The following RELCH variants were observed in gnomAD, a reference collection of about 807,000 sequenced individuals.
The protein encoded by RELCH is RAB11 binding and LisH domain, coiled-coil and HEAT repeat containing.
In RELCH, 41 loss-of-function variants were observed where a neutral mutation model predicts 150.3. The observed-to-expected ratio is 0.27, with a 90% CI of 0.21 to 0.35. The LOEUF is 0.35. Among genes scored for constraint, RELCH ranks in the 10% least tolerant of loss-of-function variants. The pLI is 1.00. For missense variants in RELCH, 1,092 were observed against 1,467.8 expected (o/e 0.74, Z 4.18); for synonymous variants, 478 against 531.8 (o/e 0.90, Z 1.39).
At chr18:62,215,189 C>A (rs955051302) in intron 2 of RELCH, among the ~76,000 whole-genome samples, 2 of 152,118 alleles carry the variant, frequency 1.3e-5, no homozygotes, top group Non-Finnish European at 2.9e-5. Context: ...TTTGAATCTA[C>A]CCAAATTGGC....
At chr18:62,290,656 A>G (rs900867916) in intron 26 of RELCH, among the ~76,000 whole-genome samples, 2 of 152,244 alleles carry the variant, frequency 1.3e-5, no homozygotes, top group Admixed American at 6.5e-5. Flanking sequence ...AATGAACAAG[A>G]TGAATTGTTT....
chr18:62,218,769 T>G (rs1260000598), intron 2 of RELCH, among the ~76,000 whole-genome samples: 1 of 151,996 alleles, frequency 6.6e-6, no homozygotes, highest in Non-Finnish European at 1.5e-5. Context: ...GGTTGGTCAT[T>G]CCTGCAGCAT....
At chr18:62,189,279 T>G (rs1231024531) in intron 1 of RELCH, among the ~76,000 whole-genome samples, 1 of 151,184 alleles carries the variant, frequency 6.6e-6, no homozygotes, top group Non-Finnish European at 1.5e-5. Flanking sequence ...TTTGTTGTTT[T>G]TTTTTTTTGG....
chr18:62,264,320 A>G (rs755015905), intron 17 of RELCH, among the ~76,000 whole-genome samples, 175 bp downstream of exon 17: 1 of 152,084 alleles, frequency 6.6e-6, no homozygotes, highest in East Asian at 1.9e-4. Context: ...TGAGAAGAAG[A>G]TGTTGCTGTA....
At chr18:62,201,164 G>A (rs1174862382) in intron 1 of RELCH, among the ~76,000 whole-genome samples, 1 of 151,336 alleles carries the variant, frequency 6.6e-6, no homozygotes, top group Non-Finnish European at 1.5e-5. Flanking sequence ...TATTAGAGAC[G>A]GAGTTTCACC....
chr18:62,258,468 T>C, intron 14 of RELCH, 44 bp from the exon 15 acceptor site: 3 of 1,511,684 alleles, frequency 2.0e-6, no homozygotes, highest in Non-Finnish European at 2.7e-6. Flanking sequence ...TTATTTTAAG[T>C]TTATCCCTTT....
Position 62,187,890 on chromosome 18 carries a change from G to T in RELCH, c.385G>T (p.Asp129Tyr). ...TGGCCGGGAGCTGCCTCGGCTGCGC[G>T]ACTACTTCTCCAATCCAGGCAACTT... is the stretch of plus-strand genomic sequence containing the variant. ...ESGRELPRLR[D>Y]YFSNPGNFER... Residue 129 changes from aspartate to tyrosine, a missense_variant, in exon 1 of 29, where the codon GAC becomes TAC. Physicochemically the swap from Asp to Tyr is radical, Grantham distance 160. Coordinates refer to ENST00000644646, the MANE Select transcript of RELCH (RefSeq NM_001346231.2). The T allele has an allele frequency of 6.3e-7, 1 of 1,595,082 alleles. No homozygotes were observed. Among genetic ancestry groups the T allele is most frequent in the Non-Finnish European group, 8.5e-7 (1 of 1,171,686 alleles).
chr18:62,280,498 T>A, intron 23 of RELCH, 148 bp from the exon 24 acceptor site: 2 of 1,515,234 alleles, frequency 1.3e-6, no homozygotes, highest in Non-Finnish European at 1.8e-6. Flanking sequence ...TGAGCATTCT[T>A]CTTGGTCTGC....
chr18:62,213,598 C>T (rs1464817420), intron 2 of RELCH, among the ~76,000 whole-genome samples: 1 of 151,778 alleles, frequency 6.6e-6, no homozygotes, highest in Non-Finnish European at 1.5e-5. Context: ...GGCATGGTTG[C>T]GTGTGCCTGC....
At chr18:62,244,409 A>G (rs1196389372) in intron 10 of RELCH, among the ~76,000 whole-genome samples, 1 of 152,160 alleles carries the variant, frequency 6.6e-6, no homozygotes, top group African/African-American at 2.4e-5. Flanking sequence ...GACTTCTGCA[A>G]CTTTTGTTTA....
At chr18:62,275,856 T>C (rs2144874593) in intron 22 of RELCH, among the ~76,000 whole-genome samples, 1 of 152,316 alleles carries the variant, frequency 6.6e-6, no homozygotes, top group South Asian at 2.1e-4. Flanking sequence ...AATTTATCAG[T>C]AGCATTAGAA....
intron 2 of RELCH, among the ~76,000 whole-genome samples, chr18:62,214,465 A>C (rs916043212): frequency 5.3e-5 from 8 of 152,140 alleles, no homozygotes; most frequent in South Asian, 2.1e-4. Flanking sequence ...TTGTGCCTGC[A>C]GCTCTCCCAG....
intron 27 of RELCH, among the ~76,000 whole-genome samples, chr18:62,294,549 T>C (rs1482015051): frequency 1.3e-5 from 2 of 152,206 alleles, no homozygotes; most frequent in South Asian, 2.1e-4. Context: ...CCGTTACTTT[T>C]TGGAAGTTCA....
chr18:62,203,442 T>C, intron 1 of RELCH, among the ~76,000 whole-genome samples: 1 of 151,858 alleles, frequency 6.6e-6, no homozygotes, highest in East Asian at 1.9e-4. Context: ...GGTGACAGAG[T>C]GAGACTCTGT....
chr18:62,250,341 C>A (rs2042637047), intron 11 of RELCH, among the ~76,000 whole-genome samples: 1 of 152,156 alleles, frequency 6.6e-6, no homozygotes, highest in Non-Finnish European at 1.5e-5. Context: ...GTGTGCACCT[C>A]TTGTAAGTGT....
chr18:62,211,804 A>T (rs2040188561), intron 2 of RELCH, among the ~76,000 whole-genome samples: 1 of 152,124 alleles, frequency 6.6e-6, no homozygotes, highest in Non-Finnish European at 1.5e-5. Context: ...TAAATAAAAT[A>T]AAAAGGTTAA....
At chr18:62,289,862 C>A (rs1408622394) in intron 26 of RELCH, among the ~76,000 whole-genome samples, 1 of 152,154 alleles carries the variant, frequency 6.6e-6, no homozygotes, top group Admixed American at 6.5e-5. Flanking sequence ...AAGTGACTTC[C>A]CTCTTCTAAG....
chr18:62,275,241 CCAAA>C (rs1301459410), intron 21 of RELCH, 129 bp from the exon 22 acceptor site: 16 of 520,454 alleles, frequency 3.1e-5, no homozygotes, highest in East Asian at 1.7e-4. Context: ...ACCTATGTAA[CCAAA>C]CAAAGTAATT....
Position 62,291,571 on chromosome 18 carries a change from C to CT in RELCH, c.3404dup (p.Leu1135PhefsTer10). The CT allele has an allele frequency of 1.2e-6, 2 of 1,610,730 alleles. No individual in the cohort carries two copies. The highest frequency in any genetic ancestry group is 1.7e-6 in the Non-Finnish European group (2 of 1,178,346). ...TTTCAGAGGATTTAATGGTTAATCA[C>CT]TTTTTACCTGGTCTCAGATGTTTAC... On this transcript the variant is annotated frameshift_variant, in exon 27 of 29. Coordinates refer to ENST00000644646, the MANE Select transcript of RELCH (RefSeq NM_001346231.2). LOFTEE classifies it high-confidence loss of function.
Sources: gnomAD v4.1 joint callset for allele counts (sites outside exome capture counted in the v4.1 genomes callset) on GRCh38, gnomAD v4.1.1 for gene constraint, MANE v1.5 for transcripts, NCBI Gene and HGNC (gene_info 2026-07-23, HGNC 2026-07-21) for gene names.